MEF2A: variants seen among roughly 807,000 people sequenced by gnomAD.
The protein encoded by MEF2A is myocyte-specific enhancer factor 2A.
MEF2A carries 28 observed loss-of-function variants against 55.8 expected under a neutral mutation model. That is an observed-to-expected ratio of 0.50 (90% CI 0.37 to 0.69). MEF2A has a LOEUF of 0.69. Among genes scored for constraint, MEF2A ranks in the 30% least tolerant of loss-of-function variants. The pLI is 0.00. For missense variants in MEF2A, 528 were observed against 626.2 expected, an observed-to-expected ratio of 0.84 and a Z score of 1.67; for synonymous variants, 239 against 227.1, an observed-to-expected ratio of 1.05 and a Z score of -0.47.
intron 4 of MEF2A, among the ~76,000 whole-genome samples, chr15:99,661,714 A>T (rs2048671211): frequency 6.6e-6 from 1 of 152,002 alleles, no homozygotes; most frequent in Admixed American, 6.6e-5. Flanking sequence ...ACTTTAAAAG[A>T]CAGTTTGGCA....
intron 9 of MEF2A, among the ~76,000 whole-genome samples, chr15:99,705,962 C>T (rs1567500183): frequency 6.6e-6 from 1 of 152,216 alleles, no homozygotes; most frequent in Non-Finnish European, 1.5e-5. Context: ...TGTCGTACTC[C>T]TACACGTTAA....
chr15:99,648,970 T>A (rs2046416956), intron 4 of MEF2A, among the ~76,000 whole-genome samples: 1 of 152,328 alleles, frequency 6.6e-6, no homozygotes, highest in African/African-American at 2.4e-5. Context: ...TAGGTAGAAA[T>A]GGTGCTCTTA....
At chr15:99,613,990 G>A (rs571393026) in intron 2 of MEF2A, among the ~76,000 whole-genome samples, 6 of 152,162 alleles carry the variant, frequency 3.9e-5, no homozygotes, top group East Asian at 1.9e-4. Context: ...AAATAGTTCC[G>A]GTGGTGATAA....
chr15:99,583,662 A>G (rs1200254728), intron 1 of MEF2A, among the ~76,000 whole-genome samples: 3 of 152,100 alleles, frequency 2.0e-5, no homozygotes, highest in Admixed American at 2.0e-4. Flanking sequence ...CACATCCTCA[A>G]TCTGAAGAAT....
At chr15:99,618,319 T>C (rs186809079) in intron 2 of MEF2A, among the ~76,000 whole-genome samples, 1 of 152,156 alleles carries the variant, frequency 6.6e-6, no homozygotes, top group African/African-American at 2.4e-5. Context: ...AATGTCAGTG[T>C]CACAAAAGAG....
At chr15:99,694,804 C>T (rs1228629447) in intron 8 of MEF2A, among the ~76,000 whole-genome samples, 1 of 152,072 alleles carries the variant, frequency 6.6e-6, no homozygotes, top group African/African-American at 2.4e-5. Flanking sequence ...GGAGATTTAT[C>T]TCTTCTCTCT....
At chr15:99,567,295 C>CCCGAAAAA (rs1960083616) in intron 1 of MEF2A, among the ~76,000 whole-genome samples, 1 of 152,206 alleles carries the variant, frequency 6.6e-6, no homozygotes, top group Admixed American at 6.5e-5. Flanking sequence ...ATTGTCTTAA[C>CCCGAAAAA]ATTTTTTCGG....
intron 7 of MEF2A, among the ~76,000 whole-genome samples, chr15:99,682,952 AATT>A (rs1338634759): frequency 6.6e-6 from 1 of 152,244 alleles, no homozygotes; most frequent in Non-Finnish European, 1.5e-5. Flanking sequence ...ATATTTAAAA[AATT>A]ATTAATCTGA....
intron 7 of MEF2A, chr15:99,678,652 A>G (rs889743203): frequency 2.0e-6 from 2 of 984,936 alleles, no homozygotes; most frequent in Non-Finnish European, 2.4e-6. Flanking sequence ...CTTCAGGCCC[A>G]TGTACTGCTA....
At chr15:99,676,098 TAAAC>T (rs137885948) in intron 7 of MEF2A, among the ~76,000 whole-genome samples, 1,550 of 151,424 alleles carry the variant, frequency 0.01, 21 homozygotes, top group African/African-American at 0.033. Context: ...GAGGAAGAAA[TAAAC>T]AAACATCAAT....
At chr15:99,609,290 A>G (rs1434259489) in intron 2 of MEF2A, among the ~76,000 whole-genome samples, 2 of 152,222 alleles carry the variant, frequency 1.3e-5, no homozygotes, top group African/African-American at 2.4e-5. Context: ...TATTTCTTGA[A>G]TCAGATGTTA....
Position 99,713,424 on chromosome 15 carries a change from AGAAAAC to A in MEF2A, c.*654_*659del, listed in dbSNP as rs1199553167. The stretch of plus-strand genomic sequence containing the variant: ...TCTTTAGCTAATAAAGAAAGAGAAT[AGAAAAC>A]ACGCATGAGATATTCAGAAAATACT... On this transcript the variant is annotated 3_prime_UTR_variant, in exon 12 of 12. Coordinates refer to ENST00000557942, the MANE Select transcript of MEF2A (RefSeq NM_001319206.4). 6.1e-6 allele frequency: 1 copy of A among 162,940 alleles called. No individual in the cohort carries two copies. Among genetic ancestry groups the A allele is most frequent in the African/African-American group, 2.4e-5 (1 of 41,896 alleles). 10.1% of individuals were successfully genotyped at this position (162,940 alleles called of 1,614,324 possible).
intron 7 of MEF2A, among the ~76,000 whole-genome samples, chr15:99,676,576 GT>G (rs67443428): frequency 0.62 from 87,840 of 140,740 alleles, 29,708 homozygotes; most frequent in Middle Eastern, 0.85. Flanking sequence ...ATACAGTTTT[GT>G]TTTTTTTTTT....
At chr15:99,681,510 AGTT>A (rs2053241400) in intron 7 of MEF2A, among the ~76,000 whole-genome samples, 1 of 152,178 alleles carries the variant, frequency 6.6e-6, no homozygotes, top group South Asian at 2.1e-4. Context: ...TGATAGTTGA[AGTT>A]GTATATGCTT....
At chr15:99,701,748 C>G (rs1597276763) in intron 8 of MEF2A, among the ~76,000 whole-genome samples, 2 of 151,758 alleles carry the variant, frequency 1.3e-5, no homozygotes, top group African/African-American at 4.8e-5. Flanking sequence ...AGAAATACAC[C>G]CCAAAAGGGA....
intron 1 of MEF2A, among the ~76,000 whole-genome samples, chr15:99,572,701 G>A (rs971588522): frequency 6.6e-6 from 1 of 152,186 alleles, no homozygotes; most frequent in Non-Finnish European, 1.5e-5. Flanking sequence ...TATCCTTTAA[G>A]TCTTAGCTCA....
intron 1 of MEF2A, among the ~76,000 whole-genome samples, chr15:99,595,994 A>G (rs1971039085): frequency 6.6e-6 from 1 of 152,020 alleles, no homozygotes; most frequent in South Asian, 2.1e-4. Context: ...AAATTTGATG[A>G]TAACTGACTC....
intron 10 of MEF2A, among the ~76,000 whole-genome samples, chr15:99,707,494 T>G (rs975947183): frequency 6.6e-6 from 1 of 152,140 alleles, no homozygotes; most frequent in Non-Finnish European, 1.5e-5. Context: ...AATGCCCTAA[T>G]TTGGGGTTGT....
At chr15:99,590,921 G>T (rs1969057921) in intron 1 of MEF2A, among the ~76,000 whole-genome samples, 1 of 152,094 alleles carries the variant, frequency 6.6e-6, no homozygotes, top group African/African-American at 2.4e-5. Flanking sequence ...CTTTCCTTGT[G>T]TAGAGCTAGG....
Sources: gnomAD v4.1 joint callset for allele counts (sites outside exome capture counted in the v4.1 genomes callset) on GRCh38, gnomAD v4.1.1 for gene constraint, MANE v1.5 for transcripts, NCBI Gene and HGNC (gene_info 2026-07-23, HGNC 2026-07-21) for gene names.